The following SP110 variants were observed in gnomAD, a reference collection of about 807,000 sequenced individuals.
The protein encoded by SP110 is SP110 nuclear body protein, also known as interferon-induced protein 41, 30kD.
A neutral mutation model predicts 92.7 loss-of-function variants in SP110; 62 were observed. The ratio of observed to expected loss-of-function variants is 0.67; its 90% CI spans 0.55 to 0.83. The LOEUF (loss-of-function observed/expected upper bound fraction) is 0.83. Ranked by LOEUF, SP110 falls within the 40% of genes least tolerant of loss-of-function variation. The pLI is 0.00. For synonymous variants in SP110, 273 were observed against 305.3 expected (o/e 0.89, Z 1.10); for missense variants, 793 against 863.9 (o/e 0.92, Z 1.03).
At position 230,201,490 on chromosome 2, in the gene SP110, T is replaced by A. The variant is rs560366383; in HGVS notation, c.1049-525A>T. Among the ~76,000 whole-genome samples the A allele has an allele frequency of 4.6e-5, 7 of 152,166 alleles. No individual in the cohort carries two copies. The East Asian group carries it at 1.2e-3, about 25-fold the overall frequency. ...CACCTACTCACTGTACCAAAAAAAA[T>A]AAAAATAAAAGCAAGATTCACTTGA... On this transcript the variant is annotated intron_variant, in intron 9 of 18. Transcript: ENST00000258381.
At chr2:230,212,138 C>T (rs935591123) in intron 5 of SP110, among the ~76,000 whole-genome samples, 5 of 152,190 alleles carry the variant, frequency 3.3e-5, no homozygotes, top group East Asian at 3.8e-4. Flanking sequence ...GTGAGTGTTA[C>T]GCAGGTTACT....
chr2:230,178,367 GGTTA>G, intron 12 of SP110, 112 bp from the exon 13 acceptor site: 1 of 711,708 alleles, frequency 1.4e-6, no homozygotes, highest in Non-Finnish European at 2.5e-6. Flanking sequence ...AACGTTCTCT[GGTTA>G]GTTTGCAGGA....
At position 230,214,854 on chromosome 2, in the gene SP110, G is replaced by A. The variant is rs370352339; in HGVS notation, c.316+96C>T. ...CCATTCCACCCCAGAGAGAAGGCGG[G>A]GGATTAACGTGCATATTCCACAGGG... On this transcript the variant is annotated intron_variant, in intron 3 of 18. Transcript: ENST00000258381. 70 of 1,002,670 alleles carry A rather than the reference G, an allele frequency of 7.0e-5. No individual in the cohort carries two copies. In the African/African-American group the frequency reaches 9.4e-4, roughly 13 times the overall value. The allele number at this position is 1,002,670 out of a possible 1,614,324, so 62.1% of individuals were successfully genotyped here.
chr2:230,218,594 G>A (rs1004689247), intron 1 of SP110, among the ~76,000 whole-genome samples: 1 of 152,126 alleles, frequency 6.6e-6, no homozygotes, highest in East Asian at 1.9e-4. Context: ...ATACAGCAGC[G>A]CTCAGAACAG....
chr2:230,176,684 CTCTT>C, intron 14 of SP110: 1 of 1,613,962 alleles, frequency 6.2e-7, no homozygotes, highest in Non-Finnish European at 8.5e-7. Flanking sequence ...ATTTAACTCT[CTCTT>C]GAGATTTATT....
In SP110 at chr2:230,166,380, A is replaced by G. The variant is rs868802315; in HGVS notation, c.*2744T>C. On this transcript the variant is annotated 3_prime_UTR_variant, in exon 19 of 19. Transcript: ENST00000258381. ...ACACTTTTGGTTAATTTAAAACACT[A>G]TAAATTATTCCAGAATATATTAAAA... 6.6e-6 allele frequency among the ~76,000 whole-genome samples: 1 copy of G among 152,242 alleles called. No homozygotes were observed. The highest frequency in any genetic ancestry group is 1.9e-4 in the East Asian group (1 of 5,204).
At position 230,183,651 on chromosome 2, in the gene SP110, A is replaced by G. The variant is rs766567231; in HGVS notation, c.1280-11T>C. The G allele has an allele frequency of 9.1e-6, 13 of 1,421,798 alleles. No individual in the cohort carries two copies. The highest frequency in any genetic ancestry group is 5.0e-5 in the Admixed American group (3 of 59,776). 88.1% of individuals were successfully genotyped at this position (1,421,798 alleles called of 1,614,324 possible). On this transcript the variant is annotated splice_polypyrimidine_tract_variant and intron_variant, in intron 11 of 18. Transcript: ENST00000258381. Reference sequence around the variant, plus strand: ...TCTCCTTTTTCTTTTCTAAACACAGAATTAATAATCACTTATAGCTACAAA... The same window carrying G: ...TCTCCTTTTTCTTTTCTAAACACAGGATTAATAATCACTTATAGCTACAAA...
intron 8 of SP110, among the ~76,000 whole-genome samples, chr2:230,206,257 GCTCCT>G (rs1450969543): frequency 6.6e-6 from 1 of 151,878 alleles, no homozygotes; most frequent in Non-Finnish European, 1.5e-5. Flanking sequence ...CACACAACTG[GCTCCT>G]GCCTCCATCA....
intron 10 of SP110, among the ~76,000 whole-genome samples, chr2:230,186,406 G>T (rs1272236232): frequency 6.6e-6 from 1 of 152,104 alleles, no homozygotes; most frequent in Non-Finnish European, 1.5e-5. Context: ...TGAGTTCCCA[G>T]GACCTAGGAC....
rs56817002 is a variant in SP110 at position 230,206,595 on chromosome 2, TTATATATATATATATATATATA to T, written c.898+1374_898+1395del. 1.1e-3 allele frequency among the ~76,000 whole-genome samples: 75 copies of T among 70,502 alleles called. 3 individuals carry two copies. The East Asian group carries it at 0.02, about 19-fold the overall frequency. 46.3% of individuals were successfully genotyped at this position (70,502 alleles called of 152,430 possible). A position where few individuals can be genotyped will look rare whatever the true frequency, so the allele number is the denominator to read the frequency against. On this transcript the variant is annotated intron_variant, in intron 8 of 18. Coordinates refer to ENST00000258381, the MANE Select transcript of SP110 (RefSeq NM_080424.4). ...TATTATATATTATCTGGTCCAGATT[TTATATATATATATATATATATA>T]TATATATATATATATATATATGGAC...
chr2:230,210,151 C>G (rs1249733969), intron 6 of SP110, 143 bp from the exon 7 acceptor site: 1 of 737,044 alleles, frequency 1.4e-6, no homozygotes, highest in African/African-American at 1.7e-5. Context: ...TTCCCTGGCT[C>G]TGTCTTGATT....
At chr2:230,199,757 A>G (rs972017711) in intron 10 of SP110, among the ~76,000 whole-genome samples, 1 of 152,070 alleles carries the variant, frequency 6.6e-6, no homozygotes, top group Non-Finnish European at 1.5e-5. Flanking sequence ...TATTTCCATT[A>G]TCCATAGGAT....
upstream of SP110, among the ~76,000 whole-genome samples, chr2:230,221,055 G>A (rs2045774071): frequency 6.6e-6 from 1 of 151,760 alleles, no homozygotes; most frequent in South Asian, 2.1e-4. Flanking sequence ...GGCTGAGATG[G>A]GTGGATCACA....
intron 10 of SP110, among the ~76,000 whole-genome samples, chr2:230,192,326 G>A (rs2042672336): frequency 6.6e-6 from 1 of 152,144 alleles, no homozygotes; most frequent in African/African-American, 2.4e-5. Context: ...ATTCAAATAG[G>A]AAGAGAGGAA....
chr2:230,184,416 G>T (rs4973288), intron 11 of SP110, among the ~76,000 whole-genome samples: 119,992 of 151,620 alleles, frequency 0.79, 47,561 homozygotes, highest in Admixed American at 0.84. Context: ...TTGTCAGGAC[G>T]GGGAAGCAGC....
At chr2:230,197,082 G>A (rs888881134) in intron 10 of SP110, among the ~76,000 whole-genome samples, 3 of 152,152 alleles carry the variant, frequency 2.0e-5, no homozygotes, top group African/African-American at 7.2e-5. Context: ...TGGGTCAAAT[G>A]GTATTTCTAG....
intron 10 of SP110, among the ~76,000 whole-genome samples, chr2:230,194,717 T>C (rs930031): frequency 0.76 from 116,240 of 152,178 alleles, 44,518 homozygotes; most frequent in Admixed American, 0.83. Flanking sequence ...TGAATCCTGC[T>C]TGGGGATTTA....
intron 1 of SP110, among the ~76,000 whole-genome samples, chr2:230,218,479 G>A (rs2045476692): frequency 6.6e-6 from 1 of 152,168 alleles, no homozygotes; most frequent in South Asian, 2.1e-4. Context: ...ATATGCACAG[G>A]GGAAGGAGAT....
rs1480935700 is a variant in SP110, at chr2:230,213,026, A to G, written c.318T>C (p.Val106=). ...TGCTCTGCCATTCATAGGAAGCACCAACTGGGATTGGTGAAGGGACACACA... is the reference window on the plus strand; with the variant it reads ...TGCTCTGCCATTCATAGGAAGCACCGACTGGGATTGGTGAAGGGACACACA... ...LVTIYRSFKR[V]GASYEWQSRD... Residue 106 remains valine, a splice_region_variant and synonymous_variant, in exon 4 of 19, where the codon GTT becomes GTC. Transcript: ENST00000258381. 5.0e-6 allele frequency: 8 copies of G among 1,613,784 alleles called. No individual in the cohort carries two copies. Among genetic ancestry groups the G allele is most frequent in the Non-Finnish European group, 5.9e-6 (7 of 1,179,950 alleles).
Sources: gnomAD v4.1 joint callset for allele counts (sites outside exome capture counted in the v4.1 genomes callset) on GRCh38, gnomAD v4.1.1 for gene constraint, MANE v1.5 for transcripts, NCBI Gene and HGNC (gene_info 2026-07-23, HGNC 2026-07-21) for gene names.